Variants in EPG5 observed in about 807,000 individuals in gnomAD.
EPG5 encodes the protein ectopic P granules protein 5 homolog.
A neutral mutation model predicts 302.7 loss-of-function variants in EPG5; 159 were observed. The ratio of observed to expected loss-of-function variants is 0.53; its 90% CI spans 0.46 to 0.60. The LOEUF is 0.60. EPG5 is among the 20% of genes least tolerant of loss of function. EPG5 has a pLI of 0.00. For synonymous variants in EPG5, 1,158 were observed against 1,136.8 expected (o/e 1.02, Z -0.37); for missense variants, 2,896 against 3,092.4 (o/e 0.94, Z 1.51).
the EPG5 span, among the ~76,000 whole-genome samples, chr18:45,831,587 A>G: frequency 2.6e-5 from 4 of 152,366 alleles, no homozygotes; most frequent in South Asian, 8.3e-4. Context: ...TCTCTAGCAC[A>G]TGGTAAACTC....
At chr18:45,821,678 A>T in the EPG5 span, among the ~76,000 whole-genome samples, 4 of 152,262 alleles carry the variant, frequency 2.6e-5, no homozygotes, top group East Asian at 7.7e-4. Context: ...AACCTGCAGA[A>T]TGGGAGTAAA....
At chr18:45,837,606 C>A in the EPG5 span, 2 of 1,509,848 alleles carry the variant, frequency 1.3e-6, no homozygotes, top group East Asian at 2.6e-5. Flanking sequence ...TTCACGCACC[C>A]GCACCGCCAC....
chr18:45,844,391 T>A (rs2145095461), downstream of EPG5, among the ~76,000 whole-genome samples: 1 of 152,250 alleles, frequency 6.6e-6, no homozygotes, highest in East Asian at 1.9e-4. Flanking sequence ...TTGTATATTT[T>A]AAAATAACTA....
chr18:45,838,906 C>G, the EPG5 span: 2 of 1,601,588 alleles, frequency 1.2e-6, no homozygotes, highest in South Asian at 2.2e-5. Context: ...ACTGCCCGCA[C>G]TGACCCATGA....
At chr18:45,951,480 C>A (rs1361133397) in intron 3 of EPG5, among the ~76,000 whole-genome samples, 4 of 145,038 alleles carry the variant, frequency 2.8e-5, no homozygotes, top group Non-Finnish European at 6.0e-5. Context: ...TTTTTTTTGA[C>A]ACAGCCTCCA....
At chr18:45,961,425 C>A (rs529329164) in intron 1 of EPG5, among the ~76,000 whole-genome samples, 42 of 152,342 alleles carry the variant, frequency 2.8e-4, no homozygotes, top group Non-Finnish European at 3.5e-4. Flanking sequence ...TGCCTCCTTG[C>A]AGTTCCAAGG....
chr18:45,858,457 A>C, intron 41 of EPG5, 109 bp downstream of exon 41: 1 of 783,878 alleles, frequency 1.3e-6, no homozygotes, highest in Non-Finnish European at 2.1e-6. Flanking sequence ...TTAAAACCTT[A>C]TTTTTTATGC....
At chr18:45,911,465 T>C (rs1309547768) in intron 22 of EPG5, among the ~76,000 whole-genome samples, 3 of 152,020 alleles carry the variant, frequency 2.0e-5, no homozygotes, top group East Asian at 3.9e-4. Context: ...TTTTTGTATT[T>C]TTTTTTTTAG....
At chr18:45,899,351 C>T in intron 27 of EPG5, 53 bp downstream of exon 27, 1 of 1,597,786 alleles carries the variant, frequency 6.3e-7, no homozygotes, top group Non-Finnish European at 8.6e-7. Context: ...GATAAGCCAA[C>T]ATTACGGACT....
chr18:45,932,515 TAAG>T (rs1346868693), intron 11 of EPG5, among the ~76,000 whole-genome samples: 1 of 152,116 alleles, frequency 6.6e-6, no homozygotes, highest in African/African-American at 2.4e-5. Context: ...CACAGATAAA[TAAG>T]AACTGGTTAT....
chr18:45,956,530 C>G (rs1240167158), intron 1 of EPG5, among the ~76,000 whole-genome samples: 1 of 151,756 alleles, frequency 6.6e-6, no homozygotes, highest in Admixed American at 6.6e-5. Context: ...AATCTCGGCT[C>G]ACTGCAACCT....
chr18:45,878,816 C>T (rs1024094681), intron 33 of EPG5, among the ~76,000 whole-genome samples, 197 bp downstream of exon 33: 2 of 152,166 alleles, frequency 1.3e-5, no homozygotes, highest in Admixed American at 6.5e-5. Context: ...ATAGCAAGCA[C>T]CCTACATTCA....
At chr18:45,829,077 G>C in the EPG5 span, 1 of 985,670 alleles carries the variant, frequency 1.0e-6, no homozygotes, top group Non-Finnish European at 1.2e-6. Flanking sequence ...GGGGGTGGGG[G>C]CACCAGCAGA....
intron 26 of EPG5, among the ~76,000 whole-genome samples, chr18:45,900,052 A>G (rs921866745): frequency 4.6e-5 from 7 of 152,222 alleles, no homozygotes; most frequent in Admixed American, 4.6e-4. Context: ...TGTGCACTCA[A>G]CACACACGCA....
rs558344115 is a variant in EPG5 at position 45,928,833 on chromosome 18, T to TA, written c.2553+35_2553+36insT. 1,011 of 1,593,868 alleles carry TA rather than the reference T, an allele frequency of 6.3e-4. 6 individuals are homozygous for TA. In the African/African-American group the frequency reaches 0.012, roughly 19 times the overall value. On this transcript the variant is annotated intron_variant, in intron 13 of 43. Transcript: ENST00000282041. ...GCCAATGTTCCATTACTCCAAGATT[T>TA]GAAAAAACAAAAACAAACAAAATCA...
At chr18:45,874,332 A>G (rs886726991) in intron 35 of EPG5, among the ~76,000 whole-genome samples, 1 of 152,206 alleles carries the variant, frequency 6.6e-6, no homozygotes, top group Non-Finnish European at 1.5e-5. Flanking sequence ...CTAAAAAATA[A>G]AGTCCGTTAA....
At chr18:45,833,855 C>G in the EPG5 span, among the ~76,000 whole-genome samples, 1 of 152,058 alleles carries the variant, frequency 6.6e-6, no homozygotes, top group Non-Finnish European at 1.5e-5. Flanking sequence ...AGTAATGAAG[C>G]ACATGACATG....
intron 30 of EPG5, among the ~76,000 whole-genome samples, chr18:45,883,029 A>AG (rs2049133701): frequency 6.6e-6 from 1 of 151,792 alleles, no homozygotes; most frequent in Admixed American, 6.6e-5. Flanking sequence ...AAAAAAAAAA[A>AG]AAGTAGTTCA....
chr18:45,955,484 T>C lies in EPG5; in HGVS notation c.64-146A>G, dbSNP rs569636710. On this transcript the variant is annotated intron_variant, in intron 1 of 43. Transcript: ENST00000282041. ...CACTTTATCAGTGTTTTTGAACAGATATGAACAAATATGAAACAGAAATGT... is the reference window on the plus strand; with the variant it reads ...CACTTTATCAGTGTTTTTGAACAGACATGAACAAATATGAAACAGAAATGT... 19 of 591,966 alleles carry C rather than the reference T, an allele frequency of 3.2e-5. No homozygotes were observed. In the East Asian group the frequency reaches 5.2e-4, roughly 16 times the overall value. 36.7% of individuals were successfully genotyped at this position (591,966 alleles called of 1,614,324 possible).
Sources: gnomAD v4.1 joint callset for allele counts (sites outside exome capture counted in the v4.1 genomes callset) on GRCh38, gnomAD v4.1.1 for gene constraint, MANE v1.5 for transcripts, NCBI Gene and HGNC (gene_info 2026-07-23, HGNC 2026-07-21) for gene names.